Variants in TENM3 observed in about 807,000 individuals in gnomAD.
TENM3 encodes teneurin transmembrane protein 3.
In TENM3, 63 loss-of-function variants were observed where a neutral mutation model predicts 255.1. The ratio of observed to expected loss-of-function variants is 0.25; its 90% CI spans 0.20 to 0.30. The LOEUF (loss-of-function observed/expected upper bound fraction) is 0.30. TENM3 is among the 10% of genes least tolerant of loss of function. The pLI is 1.00. For synonymous variants in TENM3, 1,306 were observed against 1,322.3 expected (o/e 0.99, Z 0.27); for missense variants, 2,929 against 3,461.1 (o/e 0.85, Z 3.86).
chr4:182,194,138 G>C (rs887140410), intron 1 of TENM3, among the ~76,000 whole-genome samples: 1 of 151,962 alleles, frequency 6.6e-6, no homozygotes, highest in African/African-American at 2.4e-5. Flanking sequence ...TTCTACTTTT[G>C]CCCTGGTGTA....
Position 182,442,272 on chromosome 4 carries a change from T to G in TENM3, c.511+95343T>G, listed in dbSNP as rs540908992. ...CTGAAATTAATAATTATTATCTAAATTTATTTGTCAATAAAGATATGTTAA... is the reference window on the plus strand; with the variant it reads ...CTGAAATTAATAATTATTATCTAAAGTTATTTGTCAATAAAGATATGTTAA... On this transcript the variant is annotated intron_variant, in intron 3 of 27. Coordinates refer to ENST00000511685, the MANE Select transcript of TENM3 (RefSeq NM_001080477.4). Among the ~76,000 whole-genome samples, 3 of 152,346 alleles carry G rather than the reference T, an allele frequency of 2.0e-5. No homozygotes were observed. In the South Asian group the frequency reaches 6.2e-4, roughly 32 times the overall value.
At chr4:182,097,052 T>G in the TENM3 span, among the ~76,000 whole-genome samples, 3 of 152,094 alleles carry the variant, frequency 2.0e-5, no homozygotes, top group Non-Finnish European at 4.4e-5. Flanking sequence ...GTTACCGTAC[T>G]TATGGTGGGA....
intron 1 of TENM3, among the ~76,000 whole-genome samples, chr4:182,185,448 T>C (rs1391603278): frequency 6.6e-6 from 1 of 152,214 alleles, no homozygotes; most frequent in Non-Finnish European, 1.5e-5. Context: ...CTCTGAATCT[T>C]TGGCTTTTAT....
At chr4:182,021,756 G>A in the TENM3 span, among the ~76,000 whole-genome samples, 1 of 152,122 alleles carries the variant, frequency 6.6e-6, no homozygotes, top group Non-Finnish European at 1.5e-5. Context: ...ATAAATTTAA[G>A]TAGGAAAATG....
chr4:182,517,060 T>C (rs1249522691), intron 3 of TENM3, among the ~76,000 whole-genome samples: 3 of 151,984 alleles, frequency 2.0e-5, no homozygotes, highest in Non-Finnish European at 4.4e-5. Flanking sequence ...TTATAAAATA[T>C]GAGACCTGTG....
intron 3 of TENM3, among the ~76,000 whole-genome samples, chr4:182,494,260 T>A (rs1735554682): frequency 6.6e-6 from 1 of 152,190 alleles, no homozygotes; most frequent in Admixed American, 6.5e-5. Context: ...TGTGTTTTGG[T>A]ATATACAGTA....
chr4:182,130,528 T>A, the TENM3 span, among the ~76,000 whole-genome samples: 15,360 of 152,220 alleles, frequency 0.1, 1,039 homozygotes, highest in East Asian at 0.33. Context: ...TAGGCCACTT[T>A]TGGAGGTGTC....
At chr4:182,322,824 G>A (rs548075225) in intron 1 of TENM3, among the ~76,000 whole-genome samples, 3 of 152,208 alleles carry the variant, frequency 2.0e-5, no homozygotes, top group Non-Finnish European at 2.9e-5. Context: ...TCTCAACAGC[G>A]GTCACGGCCA....
the TENM3 span, among the ~76,000 whole-genome samples, chr4:182,103,291 G>A: frequency 6.6e-6 from 1 of 152,126 alleles, no homozygotes; most frequent in Non-Finnish European, 1.5e-5. Context: ...ATTGCCGAAG[G>A]CACTAGATAA....
intron 12 of TENM3, among the ~76,000 whole-genome samples, chr4:182,710,147 T>C (rs1245643198): frequency 2.6e-5 from 4 of 152,194 alleles, no homozygotes; most frequent in Non-Finnish European, 4.4e-5. Flanking sequence ...GCAAAAGGTT[T>C]ACTCTCTAAC....
the TENM3 span, among the ~76,000 whole-genome samples, chr4:182,101,410 A>G: frequency 2.6e-5 from 4 of 152,092 alleles, no homozygotes; most frequent in African/African-American, 9.7e-5. Flanking sequence ...TACTGTTTAT[A>G]GGGTGAAACT....
At chr4:182,637,084 C>T (rs1751908556) in intron 5 of TENM3, among the ~76,000 whole-genome samples, 1 of 151,966 alleles carries the variant, frequency 6.6e-6, no homozygotes, top group Admixed American at 6.6e-5. Flanking sequence ...AGAGAAATGT[C>T]TGCATAGAGA....
intron 3 of TENM3, among the ~76,000 whole-genome samples, chr4:182,594,660 ATTTC>A (rs1471775714): frequency 2.1e-5 from 3 of 140,692 alleles, no homozygotes; most frequent in Non-Finnish European, 4.6e-5. Context: ...TCTGCCCTTT[ATTTC>A]TTCCCTGTTT....
At chr4:182,574,776 G>T (rs10023691) in intron 3 of TENM3, among the ~76,000 whole-genome samples, 1 of 151,806 alleles carries the variant, frequency 6.6e-6, no homozygotes, top group African/African-American at 2.4e-5. Flanking sequence ...GCTTCTCAAT[G>T]AGCTATTTCA....
the TENM3 span, among the ~76,000 whole-genome samples, chr4:181,988,846 G>A: frequency 0.012 from 1,890 of 151,598 alleles, 37 homozygotes; most frequent in African/African-American, 0.043. Flanking sequence ...TATCAGTACT[G>A]AATTGAAGTG....
chr4:181,775,075 C>T, the TENM3 span, among the ~76,000 whole-genome samples: 1 of 152,140 alleles, frequency 6.6e-6, no homozygotes, highest in Non-Finnish European at 1.5e-5. Context: ...GTCATAATCC[C>T]TTTATCAGTT....
chr4:181,579,984 ATTTTATTTTATTTTATTTT>A, the TENM3 span, among the ~76,000 whole-genome samples: 136 of 74,756 alleles, frequency 1.8e-3, no homozygotes, highest in Non-Finnish European at 2.7e-3. Flanking sequence ...ATTTTATTTT[ATTTTATTTTATTTTATTTT>A]ATTTATTTTT....
At chr4:182,681,787 A>G in intron 10 of TENM3, 27 bp from the exon 11 acceptor site, 1 of 1,556,154 alleles carries the variant, frequency 6.4e-7, no homozygotes, top group Non-Finnish European at 8.8e-7. Context: ...TCTGGATTTA[A>G]TAAAATTGTT....
At chr4:181,733,970 T>C in the TENM3 span, among the ~76,000 whole-genome samples, 1 of 152,238 alleles carries the variant, frequency 6.6e-6, no homozygotes, top group Non-Finnish European at 1.5e-5. Flanking sequence ...TATTTTATTA[T>C]TGTAGAAGTT....
Sources: gnomAD v4.1 joint callset for allele counts (sites outside exome capture counted in the v4.1 genomes callset) on GRCh38, gnomAD v4.1.1 for gene constraint, MANE v1.5 for transcripts, NCBI Gene and HGNC (gene_info 2026-07-23, HGNC 2026-07-21) for gene names.